Variants in ACOT13 observed in about 807,000 individuals in gnomAD.
ACOT13 encodes acyl-coenzyme A thioesterase 13.
A neutral mutation model predicts 11.8 loss-of-function variants in ACOT13; 10 were observed. The ratio of observed to expected loss-of-function variants is 0.85; its 90% confidence interval spans 0.53 to 1.44. ACOT13 has a LOEUF of 1.44. Among genes scored for constraint, ACOT13 ranks in the 40% most tolerant of loss-of-function variants. The probability of loss-of-function intolerance (pLI) is 0.00; values close to 1 mark genes in which losing one functional copy is unlikely to be tolerated. For missense variants in ACOT13, 172 were observed against 174.1 expected (o/e 0.99, Z 0.07); for synonymous variants, 53 against 61.0 (o/e 0.87, Z 0.61).
intron 1 of ACOT13, among the ~76,000 whole-genome samples, chr6:24,685,793 T>C (rs1778620120): frequency 6.6e-6 from 1 of 152,184 alleles, no homozygotes; most frequent in South Asian, 2.1e-4. Flanking sequence ...GAAGTGGTGC[T>C]AAATATCTTA....
rs1231972513 is a variant in ACOT13 at position 24,703,936 on chromosome 6, A to G, written c.*2321A>G. 1 of 152,246 alleles carries G rather than the reference A, an allele frequency of 6.6e-6. No individual in the cohort carries two copies. The highest frequency in any genetic ancestry group is 1.5e-5 in the Non-Finnish European group (1 of 68,048). 9.4% of individuals were successfully genotyped at this position (152,246 alleles called of 1,614,324 possible). On this transcript the variant is annotated 3_prime_UTR_variant, in exon 3 of 3. Coordinates refer to ENST00000230048, the MANE Select transcript of ACOT13 (RefSeq NM_018473.4). The stretch of plus-strand genomic sequence containing the variant: ...AAAATTGCCCTGTACTCCAAAAAAC[A>G]TAGAGGTCATGGAACACATAAAGGC...
In ACOT13 at chr6:24,701,448, T is replaced by C; in HGVS notation, c.267-11T>C. On this transcript the variant is annotated splice_polypyrimidine_tract_variant and intron_variant, in intron 2 of 2. Transcript: ENST00000230048. ...ATTATCTGCTGTTAACTATATTCAT[T>C]TTCTTTCAAGGTACATGTCACCTGC... 6.3e-7 allele frequency: 1 copy of C among 1,596,590 alleles called. No individual in the cohort carries two copies. Among genetic ancestry groups the C allele is most frequent in the Non-Finnish European group, 8.5e-7 (1 of 1,169,720 alleles).
At chr6:24,693,975 C>T (rs1277582217) in intron 1 of ACOT13, among the ~76,000 whole-genome samples, 1 of 152,062 alleles carries the variant, frequency 6.6e-6, no homozygotes, top group Non-Finnish European at 1.5e-5. Flanking sequence ...CTGCCTGCCT[C>T]GGCCTCCCAA....
intron 1 of ACOT13, chr6:24,687,359 C>T: frequency 2.0e-6 from 2 of 993,692 alleles, no homozygotes; most frequent in Non-Finnish European, 2.5e-6. Context: ...ATATGCTTAA[C>T]ATTATCGTGT....
chr6:24,693,505 T>C (rs555620756), intron 1 of ACOT13, among the ~76,000 whole-genome samples: 1 of 152,338 alleles, frequency 6.6e-6, no homozygotes, highest in South Asian at 2.1e-4. Context: ...TGATCTGAGA[T>C]GCCAAGGCTT....
At chr6:24,669,576 G>C (rs920518876) in intron 1 of ACOT13, among the ~76,000 whole-genome samples, 1 of 151,498 alleles carries the variant, frequency 6.6e-6, no homozygotes, top group African/African-American at 2.4e-5. Context: ...ATTTTTTTTT[G>C]GAGAAAGCAT....
chr6:24,680,045 G>A (rs1227949442), intron 1 of ACOT13, among the ~76,000 whole-genome samples: 2 of 152,026 alleles, frequency 1.3e-5, no homozygotes, highest in African/African-American at 2.4e-5. Context: ...GTAAAAGGGG[G>A]GTCCCTTATT....
intron 1 of ACOT13, among the ~76,000 whole-genome samples, chr6:24,687,215 C>T (rs926265581): frequency 2.6e-5 from 4 of 152,206 alleles, no homozygotes; most frequent in East Asian, 1.9e-4. Context: ...CTCCATTTCT[C>T]CTTGCCCCCA....
chr6:24,675,750 C>CA (rs1344679968), intron 1 of ACOT13, among the ~76,000 whole-genome samples: 1 of 152,276 alleles, frequency 6.6e-6, no homozygotes, highest in East Asian at 1.9e-4. Flanking sequence ...TCCCATTTGT[C>CA]AATTTTGGCT....
rs989037141 is a variant in ACOT13, at chr6:24,704,779, A to G, written c.*3164A>G. The G allele has an allele frequency of 1.3e-5, 2 of 152,184 alleles. No individual in the cohort carries two copies. The highest frequency in any genetic ancestry group is 2.9e-5 in the Non-Finnish European group (2 of 68,018). 9.4% of individuals were successfully genotyped at this position (152,184 alleles called of 1,614,324 possible). On this transcript the variant is annotated 3_prime_UTR_variant, in exon 3 of 3. Coordinates refer to ENST00000230048, the MANE Select transcript of ACOT13 (RefSeq NM_018473.4). The stretch of plus-strand genomic sequence containing the variant: ...CAGGTATTTTTCTTCTGAATTTACT[A>G]TTTAGCCACAGACTATGAAATAATT...
At chr6:24,689,665 G>A (rs778357790) in intron 1 of ACOT13, among the ~76,000 whole-genome samples, 10 of 152,088 alleles carry the variant, frequency 6.6e-5, no homozygotes, top group African/African-American at 1.2e-4. Context: ...ATTCAGCACC[G>A]AAAGAGTAGT....
chr6:24,676,781 C>T (rs1778461526), intron 1 of ACOT13, among the ~76,000 whole-genome samples: 1 of 152,140 alleles, frequency 6.6e-6, no homozygotes. Flanking sequence ...TTCTGTTTCC[C>T]TTTCCTTTCT....
rs143667676 is a variant in ACOT13 at position 24,697,959 on chromosome 6, G to T, written c.158G>T (p.Gly53Val). ...GAAGAAGAGCATACCAATGCAATAGGCACTCTCCACGGCGGTTTGACAGCC... is the reference window on the plus strand; with the variant it reads ...GAAGAAGAGCATACCAATGCAATAGTCACTCTCCACGGCGGTTTGACAGCC... ...KVEEEHTNAI[G>V]TLHGGLTATL... is the part of the protein sequence containing the mutation. The change falls in exon 2 of 3, where the codon GGC (glycine) becomes GTC (valine). Residue 53 changes from glycine (G) to valine (V), a missense_variant. By Grantham distance (109) the Gly-to-Val change is moderately radical. Transcript: ENST00000230048. The T allele has an allele frequency of 1.6e-3, 2,602 of 1,613,720 alleles. 3 individuals are homozygous for T. Among genetic ancestry groups the T allele is most frequent in the Non-Finnish European group, 2.0e-3 (2,392 of 1,179,838 alleles).
Position 24,704,910 on chromosome 6 carries a change from GTTTTCT to G in ACOT13, c.*3306_*3311del, listed in dbSNP as rs1198819875. 2.6e-5 allele frequency: 4 copies of G among 152,104 alleles called. No homozygotes were observed. The highest frequency in any genetic ancestry group is 4.4e-5 in the Non-Finnish European group (3 of 67,968). The allele number at this position is 152,104 out of a possible 1,614,324, so 9.4% of individuals were successfully genotyped here. Reference sequence around the variant, plus strand: ...GGGAACTTTCACCTATTTTATTTAGGTTTTCTTTTTCTTTTTTTCTTTTTTTTTCAA... The same window carrying G: ...GGGAACTTTCACCTATTTTATTTAGGTTTTCTTTTTTTCTTTTTTTTTCAA... On this transcript the variant is annotated 3_prime_UTR_variant, in exon 3 of 3. Coordinates refer to ENST00000230048, the MANE Select transcript of ACOT13 (RefSeq NM_018473.4).
intron 1 of ACOT13, among the ~76,000 whole-genome samples, chr6:24,669,559 A>T (rs546898301): frequency 9.9e-5 from 15 of 152,098 alleles, no homozygotes; most frequent in South Asian, 6.2e-4. Context: ...TCTTTTTTTT[A>T]AAAAAAATTT....
chr6:24,680,450 C>T (rs1778529350), intron 1 of ACOT13, among the ~76,000 whole-genome samples: 1 of 152,080 alleles, frequency 6.6e-6, no homozygotes, highest in Admixed American at 6.6e-5. Context: ...GGGATGCCAG[C>T]ACCCCTAGTC....
At chr6:24,678,656 T>C (rs1778495853) in intron 1 of ACOT13, among the ~76,000 whole-genome samples, 2 of 152,236 alleles carry the variant, frequency 1.3e-5, no homozygotes, top group African/African-American at 4.8e-5. Flanking sequence ...TTCCTTCTCC[T>C]ATGTTCAGAT....
intron 1 of ACOT13, among the ~76,000 whole-genome samples, chr6:24,681,487 A>G (rs1237887892): frequency 1.7e-5 from 2 of 118,910 alleles, no homozygotes; most frequent in Non-Finnish European, 3.4e-5. Flanking sequence ...TTAAAGGAAT[A>G]GGGCACACTT....
At chr6:24,699,417 A>C (rs368709419) in intron 2 of ACOT13, among the ~76,000 whole-genome samples, 1 of 151,954 alleles carries the variant, frequency 6.6e-6, no homozygotes, top group Admixed American at 6.5e-5. Context: ...TCACCGTGTT[A>C]GCCAGGCTGG....
Sources: gnomAD v4.1 joint callset for allele counts (sites outside exome capture counted in the v4.1 genomes callset) on GRCh38, gnomAD v4.1.1 for gene constraint, MANE v1.5 for transcripts, NCBI Gene and HGNC (gene_info 2026-07-23, HGNC 2026-07-21) for gene names.